ZMYM2: variants seen among roughly 807,000 people sequenced by gnomAD.
ZMYM2 encodes zinc finger MYM-type protein 2.
A neutral mutation model predicts 162.8 loss-of-function variants in ZMYM2; 56 were observed. The observed-to-expected ratio is 0.34, with a 90% CI of 0.28 to 0.43. The LOEUF is 0.43. ZMYM2 is among the 20% of genes least tolerant of loss of function. ZMYM2 has a pLI of 1.00. For synonymous variants in ZMYM2, 510 were observed against 541.6 expected (o/e 0.94, Z 0.81); for missense variants, 1,275 against 1,621.8 (o/e 0.79, Z 3.67).
intron 2 of ZMYM2, among the ~76,000 whole-genome samples, chr13:19,976,210 C>G (rs1472554478): frequency 1.3e-5 from 2 of 151,692 alleles, no homozygotes; most frequent in Non-Finnish European, 2.9e-5. Flanking sequence ...TGCCTGTAGT[C>G]CCAGCTACTT....
chr13:20,011,824 A>G (rs1951217227), intron 6 of ZMYM2, among the ~76,000 whole-genome samples: 1 of 150,376 alleles, frequency 6.6e-6, no homozygotes, highest in Non-Finnish European at 1.5e-5. Flanking sequence ...GTCTCTGCTC[A>G]TGCAACCTCC....
intron 3 of ZMYM2, among the ~76,000 whole-genome samples, chr13:19,995,362 T>C (rs1480372896): frequency 1.3e-5 from 2 of 152,226 alleles, no homozygotes; most frequent in African/African-American, 4.8e-5. Flanking sequence ...TAAAAAATTT[T>C]TAAAAATTAT....
intron 2 of ZMYM2, among the ~76,000 whole-genome samples, chr13:19,968,426 AT>A (rs1956005418): frequency 6.6e-6 from 1 of 151,904 alleles, no homozygotes; most frequent in South Asian, 2.1e-4. Flanking sequence ...TCCCTGGCTA[AT>A]TTTTTTGTAT....
the ZMYM2 span, among the ~76,000 whole-genome samples, chr13:19,940,844 A>C: frequency 6.6e-6 from 1 of 152,238 alleles, no homozygotes; most frequent in African/African-American, 2.4e-5. Context: ...TATGTAACAG[A>C]AATAAATTAG....
chr13:20,064,724 T>C (rs1290496680), intron 19 of ZMYM2, among the ~76,000 whole-genome samples, 179 bp downstream of exon 19: 1 of 151,270 alleles, frequency 6.6e-6, no homozygotes, highest in African/African-American at 2.4e-5. Context: ...TTACTATTAT[T>C]TATTACTATT....
chr13:20,063,994 T>A (rs1203795748), intron 18 of ZMYM2, among the ~76,000 whole-genome samples: 2 of 148,094 alleles, frequency 1.4e-5, no homozygotes, highest in Non-Finnish European at 3.0e-5. Context: ...AAAATTAAGT[T>A]CACCTTCAAA....
At chr13:20,006,703 CATT>C (rs1446714209) in intron 6 of ZMYM2, 117 bp downstream of exon 6, 2 of 1,072,478 alleles carry the variant, frequency 1.9e-6, no homozygotes, top group Non-Finnish European at 2.7e-6. Flanking sequence ...CATTTAATTC[CATT>C]ATTGTTGTCA....
chr13:19,943,275 G>T, the ZMYM2 span, among the ~76,000 whole-genome samples: 11 of 152,172 alleles, frequency 7.2e-5, no homozygotes, highest in African/African-American at 1.9e-4. Context: ...TTGGATTAGG[G>T]CTCTTCCTAA....
At chr13:20,009,534 A>G (rs966378326) in intron 6 of ZMYM2, among the ~76,000 whole-genome samples, 3 of 152,202 alleles carry the variant, frequency 2.0e-5, no homozygotes, top group Non-Finnish European at 4.4e-5. Flanking sequence ...TCATCATGCC[A>G]TACAAAAACT....
chr13:19,896,810 C>T, the ZMYM2 span, among the ~76,000 whole-genome samples: 1 of 150,788 alleles, frequency 6.6e-6, no homozygotes, highest in African/African-American at 2.5e-5. Context: ...GGTGTTGTCT[C>T]ATGCATATAA....
At chr13:19,926,085 C>T in the ZMYM2 span, among the ~76,000 whole-genome samples, 8 of 151,292 alleles carry the variant, frequency 5.3e-5, no homozygotes, top group Admixed American at 1.3e-4. Context: ...CTCAGCCTCC[C>T]GAGTAGCTGG....
the ZMYM2 span, among the ~76,000 whole-genome samples, chr13:19,875,447 G>A: frequency 3.3e-3 from 506 of 151,970 alleles, 1 homozygote; most frequent in South Asian, 0.026. Context: ...GGCCAACATG[G>A]TGAAACCCTG....
At chr13:20,009,903 C>T (rs1951036152) in intron 6 of ZMYM2, among the ~76,000 whole-genome samples, 1 of 152,126 alleles carries the variant, frequency 6.6e-6, no homozygotes, top group Non-Finnish European at 1.5e-5. Context: ...TATAAGTATC[C>T]TGGTTTTCCA....
chr13:19,884,051 C>T, the ZMYM2 span, among the ~76,000 whole-genome samples: 1 of 152,232 alleles, frequency 6.6e-6, no homozygotes, highest in Admixed American at 6.5e-5. Context: ...AGCCCCCGGG[C>T]GTGGCCTATA....
intron 21 of ZMYM2, among the ~76,000 whole-genome samples, chr13:20,068,635 A>G (rs1444058450): frequency 6.6e-6 from 1 of 152,088 alleles, no homozygotes; most frequent in Non-Finnish European, 1.5e-5. Context: ...TATTATACCT[A>G]GGAGGGAGGG....
the ZMYM2 span, among the ~76,000 whole-genome samples, chr13:19,948,894 G>T: frequency 4.6e-5 from 7 of 152,164 alleles, no homozygotes; most frequent in Admixed American, 1.3e-4. Flanking sequence ...ACATGCAAGG[G>T]TTATTGGTCA....
chr13:19,884,177 G>A, the ZMYM2 span, among the ~76,000 whole-genome samples: 1 of 152,102 alleles, frequency 6.6e-6, no homozygotes. Flanking sequence ...ACAACAGCCA[G>A]GAAACCATAC....
At chr13:19,962,016 T>A (rs1164028329) in intron 2 of ZMYM2, among the ~76,000 whole-genome samples, 1 of 152,208 alleles carries the variant, frequency 6.6e-6, no homozygotes, top group Non-Finnish European at 1.5e-5. Flanking sequence ...CCACCTATCC[T>A]TTTAAATTGT....
intron 6 of ZMYM2, 149 bp from the exon 7 acceptor site, chr13:20,019,398 A>G: frequency 5.2e-6 from 3 of 582,128 alleles, no homozygotes; most frequent in East Asian, 2.9e-5. Flanking sequence ...TAGTGGGGAC[A>G]GGACAGGCAG....
Sources: allele counts gnomAD v4.1 joint callset (sites outside exome capture counted in the v4.1 genomes callset), GRCh38; gene constraint gnomAD v4.1.1; transcripts MANE v1.5; gene names NCBI Gene and HGNC (gene_info 2026-07-23, HGNC 2026-07-21).